Variants in IGSF9B observed in about 807,000 individuals in gnomAD.
The protein encoded by IGSF9B is immunoglobulin superfamily member 9B, also known as protein turtle homolog B.
In IGSF9B, 48 loss-of-function variants were observed where a neutral mutation model predicts 143.7. The observed-to-expected ratio is 0.33, with a 90% CI of 0.26 to 0.42. The LOEUF is 0.42. Among genes scored for constraint, IGSF9B ranks in the 20% least tolerant of loss-of-function variants. The pLI is 1.00. For synonymous variants in IGSF9B, 903 were observed against 833.1 expected (o/e 1.08, Z -1.44); for missense variants, 1,706 against 1,980.0 (o/e 0.86, Z 2.63).
chr11:133,918,083 C>T (rs1321106854), intron 18 of IGSF9B, among the ~76,000 whole-genome samples: 1 of 151,364 alleles, frequency 6.6e-6, no homozygotes, highest in East Asian at 2.0e-4. Flanking sequence ...TAGGCGGTGC[C>T]GAGCGTGGCT....
intron 18 of IGSF9B, among the ~76,000 whole-genome samples, chr11:133,917,210 C>A (rs1939403444): frequency 6.6e-6 from 1 of 152,178 alleles, no homozygotes; most frequent in Non-Finnish European, 1.5e-5. Context: ...TGCCCAGGCA[C>A]AGGGCAGAGG....
Position 133,904,733 on chromosome 11 carries a change from A to C in IGSF9B, c.*4336T>G, listed in dbSNP as rs1321178072. Among the ~76,000 whole-genome samples, 1 of 151,728 alleles carries C rather than the reference A, an allele frequency of 6.6e-6. No homozygotes were observed. Among genetic ancestry groups the C allele is most frequent in the Non-Finnish European group, 1.5e-5 (1 of 67,936 alleles). On this transcript the variant is annotated 3_prime_UTR_variant, in exon 20 of 20. Transcript: ENST00000533871. ...CCCCTGGGGTGGTCTCACCATCCTAACCCATGCCTGACCTCACCCTCTGTG... is the reference window on the plus strand; with the variant it reads ...CCCCTGGGGTGGTCTCACCATCCTACCCCATGCCTGACCTCACCCTCTGTG...
chr11:133,916,352 AAC>A (rs1377893985), intron 18 of IGSF9B, among the ~76,000 whole-genome samples: 1 of 152,244 alleles, frequency 6.6e-6, no homozygotes, highest in African/African-American at 2.4e-5. Context: ...AGGGAAAAGA[AAC>A]AGTGAGAACG....
chr11:133,905,871 C>T lies in IGSF9B; in HGVS notation c.*3198G>A, dbSNP rs1939203648. 6.6e-6 allele frequency among the ~76,000 whole-genome samples: 1 copy of T among 152,358 alleles called. No individual in the cohort carries two copies. Among genetic ancestry groups the T allele is most frequent in the Middle Eastern group, 3.4e-3 (1 of 294 alleles). On this transcript the variant is annotated 3_prime_UTR_variant, in exon 20 of 20. Coordinates refer to ENST00000533871, the MANE Select transcript of IGSF9B (RefSeq NM_001277285.4). The surrounding 1 kb of genome is among the most constrained non-coding windows in gnomAD (Gnocchi z 4.0). ...CCCACCAGCAAATCAAGACAGGCTT[C>T]GCCTCTCTGCCTCGTCGTACATCTT...
Position 133,948,849 on chromosome 11 carries a change from T to G in IGSF9B, c.65-2591A>C, listed in dbSNP as rs1305787313. ...GGGGGACAGCAGGCACCTCCAACAGTGGAGTTTGCTCTGGTGAGCTGGCTT... is the reference window on the plus strand; with the variant it reads ...GGGGGACAGCAGGCACCTCCAACAGGGGAGTTTGCTCTGGTGAGCTGGCTT... On this transcript the variant is annotated intron_variant, in intron 1 of 19. Coordinates refer to ENST00000533871, the MANE Select transcript of IGSF9B (RefSeq NM_001277285.4). This position sits in a 1 kb window ranked among gnomAD's most constrained non-coding sequence, Gnocchi z 4.7. Among the ~76,000 whole-genome samples, 1 of 152,008 alleles carries G rather than the reference T, an allele frequency of 6.6e-6. No homozygotes were observed. The highest frequency in any genetic ancestry group is 1.5e-5 in the Non-Finnish European group (1 of 67,988).
In IGSF9B at chr11:133,905,920, T is replaced by C. The variant is rs1170554120; in HGVS notation, c.*3149A>G. On this transcript the variant is annotated 3_prime_UTR_variant, in exon 20 of 20. Coordinates refer to ENST00000533871, the MANE Select transcript of IGSF9B (RefSeq NM_001277285.4). This position sits in a 1 kb window ranked among gnomAD's most constrained non-coding sequence, Gnocchi z 4.0. ...TTCTCTCCCCACGCAAATGCAGTTG[T>C]CCAGGCCCCGCTAAGAACCGTTTTC... 2.0e-5 allele frequency among the ~76,000 whole-genome samples: 3 copies of C among 152,208 alleles called. No homozygotes were observed. Among genetic ancestry groups the C allele is most frequent in the Non-Finnish European group, 4.4e-5 (3 of 68,034 alleles).
intron 18 of IGSF9B, among the ~76,000 whole-genome samples, chr11:133,916,356 G>A (rs1197196030): frequency 6.6e-6 from 1 of 152,214 alleles, no homozygotes; most frequent in East Asian, 1.9e-4. Context: ...AAAAGAAACA[G>A]TGAGAACGCA....
In IGSF9B at chr11:133,925,814, G is replaced by C. The variant is rs540402446; in HGVS notation, c.1959C>G (p.Val653=). 6.2e-7 allele frequency: 1 copy of C among 1,613,772 alleles called. No individual in the cohort carries two copies. Among genetic ancestry groups the C allele is most frequent in the African/African-American group, 1.3e-5 (1 of 74,930 alleles). ...PIDRYIMEFR[V]AERWELLDDG... is the part of the protein sequence containing the mutation. Reference sequence around the variant, plus strand: ...CGTCGAGCAACTCCCAGCGCTCTGCGACACGGAACTCCATGATGTAGCGGT... The same window carrying C: ...CGTCGAGCAACTCCCAGCGCTCTGCCACACGGAACTCCATGATGTAGCGGT... Residue 653 remains valine, a synonymous_variant, in exon 14 of 20, where the codon GTC becomes GTG. Coordinates refer to ENST00000533871, the MANE Select transcript of IGSF9B (RefSeq NM_001277285.4).
Position 133,901,291 on chromosome 11 carries a change from G to C in IGSF9B, c.*7778C>G, listed in dbSNP as rs1217533446. The C allele has an allele frequency of 6.6e-6, 1 of 152,232 alleles. No individual in the cohort carries two copies. The highest frequency in any genetic ancestry group is 2.1e-4 in the South Asian group (1 of 4,828). 9.4% of individuals were successfully genotyped at this position (152,232 alleles called of 1,614,324 possible). ...ATACCAAAGGAAGAGCAGGGAAGGA[G>C]GTGGCGTCAAGGCATGAGCTAGTAT... is the stretch of plus-strand genomic sequence containing the variant. On this transcript the variant is annotated 3_prime_UTR_variant, in exon 20 of 20. Transcript: ENST00000533871.
In IGSF9B at chr11:133,911,014, G is replaced by A. The variant is rs73032057; in HGVS notation, c.4105+872C>T. Among the ~76,000 whole-genome samples, 308 of 152,102 alleles carry A rather than the reference G, an allele frequency of 2.0e-3. 3 individuals are homozygous for A. Among genetic ancestry groups the A allele is most frequent in the Non-Finnish European group, 2.7e-3 (187 of 68,004 alleles). On this transcript the variant is annotated intron_variant, in intron 19 of 19. Coordinates refer to ENST00000533871, the MANE Select transcript of IGSF9B (RefSeq NM_001277285.4). ...GGCTAAGTGATCATAAGTGATCACC[G>A]TCTCCCAGAGATTCATGGGGCTTTG...
chr11:133,919,916 C>A lies in IGSF9B; in HGVS notation c.3809G>T (p.Arg1270Leu). The change falls in exon 18 of 20, where the codon CGG (arginine) becomes CTG (leucine). Residue 1270 changes from arginine to leucine, a missense_variant. This residue lies in a region of IGSF9B where 880 missense variants were observed against 762.9 expected (regional missense o/e 1.15). Coordinates refer to ENST00000533871, the MANE Select transcript of IGSF9B (RefSeq NM_001277285.4). The stretch of plus-strand genomic sequence containing the variant: ...CAGAGTGGTGAAGCCCATGGCGGGC[C>A]GGTAGCTGGGACTCCCACTGCGGCT... ...QSSRSGSPSY[R>L]PAMGFTTLAT... 6.4e-7 allele frequency: 1 copy of A among 1,564,966 alleles called. No individual in the cohort carries two copies. The highest frequency in any genetic ancestry group is 2.3e-5 in the East Asian group (1 of 44,104).
At chr11:133,918,512 C>A (rs4937856) in intron 18 of IGSF9B, among the ~76,000 whole-genome samples, 57,180 of 151,940 alleles carry the variant, frequency 0.38, 13,071 homozygotes, top group East Asian at 0.69. Context: ...AGGGCGGCCG[C>A]GGCACCTCCG....
intron 17 of IGSF9B, among the ~76,000 whole-genome samples, chr11:133,921,647 C>T (rs1939540680): frequency 1.3e-5 from 2 of 152,036 alleles, no homozygotes; most frequent in Admixed American, 6.6e-5. Context: ...AAGCAATCCT[C>T]CTGCCTCAGC....
At chr11:133,947,753 C>G (rs1565450181) in intron 1 of IGSF9B, among the ~76,000 whole-genome samples, 1 of 112,778 alleles carries the variant, frequency 8.9e-6, no homozygotes, top group Non-Finnish European at 2.1e-5. Context: ...ATCTCTGGAT[C>G]TCTGTTTGTC....
intron 18 of IGSF9B, among the ~76,000 whole-genome samples, chr11:133,919,485 C>CCCG (rs1253117559): frequency 6.6e-6 from 1 of 151,904 alleles, no homozygotes; most frequent in African/African-American, 2.4e-5. Flanking sequence ...AGGTGGTGCG[C>CCCG]CCGCCGAGAG....
chr11:133,920,655 T>A lies in IGSF9B; in HGVS notation c.3070A>T (p.Thr1024Ser). The A allele has an allele frequency of 6.2e-7, 1 of 1,613,438 alleles. No homozygotes were observed. Among genetic ancestry groups the A allele is most frequent in the Non-Finnish European group, 8.5e-7 (1 of 1,179,814 alleles). Reference sequence around the variant, plus strand: ...GTAGGTGTCTGAGTCAAGGGCAGCGTGCTGTTGGATGCATTCTCTCCATTC... The same window carrying A: ...GTAGGTGTCTGAGTCAAGGGCAGCGAGCTGTTGGATGCATTCTCTCCATTC... ...EENGENASNSTLPLTQTPTGG... is the reference protein window; with the variant it reads ...EENGENASNSSLPLTQTPTGG... Residue 1024 changes from threonine (T) to serine (S), a missense_variant, in exon 18 of 20, where the codon ACG becomes TCG. Physicochemically the swap from Thr to Ser is moderately conservative, Grantham distance 58. Transcript: ENST00000533871.
At chr11:133,949,687 C>T (rs922829320) in intron 1 of IGSF9B, among the ~76,000 whole-genome samples, 2 of 150,370 alleles carry the variant, frequency 1.3e-5, no homozygotes, top group Non-Finnish European at 3.0e-5. Context: ...ACCCCAGAGC[C>T]TGGGTGGGGG....
In IGSF9B at chr11:133,913,688, C is replaced by A. The variant is rs1203345429; in HGVS notation, c.3984-1681G>T. Among the ~76,000 whole-genome samples the A allele has an allele frequency of 2.0e-5, 3 of 152,318 alleles. No homozygotes were observed. In the East Asian group the frequency reaches 5.8e-4, roughly 29 times the overall value. The stretch of plus-strand genomic sequence containing the variant: ...AAGTGGCCAAACATGCCAGTCTACC[C>A]AGAGAGATCCTACAGCGCAGCAGCA... On this transcript the variant is annotated intron_variant, in intron 18 of 19. Coordinates refer to ENST00000533871, the MANE Select transcript of IGSF9B (RefSeq NM_001277285.4). The surrounding 1 kb of genome is among the most constrained non-coding windows in gnomAD (Gnocchi z 4.6).
rs750909077 is a variant in IGSF9B at position 133,932,028 on chromosome 11, G to C, written c.1110+43C>G. The C allele has an allele frequency of 1.9e-6, 3 of 1,586,618 alleles. No homozygotes were observed. In the Admixed American group the frequency reaches 5.1e-5, roughly 27 times the overall value. ...CCCAGAGGTGGCATCACAGTACTGG[G>C]GGGAGCCCTCACTCCAACCCTCAAC... On this transcript the variant is annotated intron_variant, in intron 8 of 19. Transcript: ENST00000533871.
Sources: allele counts gnomAD v4.1 joint callset (sites outside exome capture counted in the v4.1 genomes callset), GRCh38; gene constraint gnomAD v4.1.1; regional missense constraint gnomAD v4.1.1; non-coding constraint Gnocchi (gnomAD v3.1); transcripts MANE v1.5; gene names NCBI Gene and HGNC (gene_info 2026-07-23, HGNC 2026-07-21).